PSMD13: variants seen among roughly 807,000 people sequenced by gnomAD.
PSMD13 encodes the protein proteasome 26S subunit, non-ATPase 13.
In PSMD13, 8 loss-of-function variants were observed where a neutral mutation model predicts 57.4. That is an observed-to-expected ratio of 0.14 (90% CI 0.08 to 0.25). The LOEUF is 0.25. Among genes scored for constraint, PSMD13 ranks in the 10% least tolerant of loss-of-function variants. The pLI, the probability that PSMD13 is intolerant of heterozygous loss-of-function variation, is 1.00. For synonymous variants in PSMD13, 193 were observed against 168.2 expected, an observed-to-expected ratio of 1.15 and a Z score of -1.14; for missense variants, 400 against 461.5, an observed-to-expected ratio of 0.87 and a Z score of 1.22.
chr11:250,904 A>G lies in PSMD13; in HGVS notation c.837+39A>G, dbSNP rs80181023. 2.1e-4 allele frequency: 333 copies of G among 1,600,106 alleles called. 4 individuals are homozygous for G. In the East Asian group the frequency reaches 7.3e-3, roughly 35 times the overall value. ...CAGGAGCCACTTTGTCTGTGGTTTC[A>G]GATTTTGGTCAGGTGGGGGCGCTGC... On this transcript the variant is annotated intron_variant, in intron 10 of 12. Coordinates refer to ENST00000532097, the MANE Select transcript of PSMD13 (RefSeq NM_002817.4).
At position 245,712 on chromosome 11, in the gene PSMD13, TTGTG is replaced by T. The variant is rs757481516; in HGVS notation, c.396+961_396+964del. ...TGTGTGTTCGTGTGTTTGTGTGTGT[TTGTG>T]TGTGTGTGTTTGTGTGTGTGTGTGT... On this transcript the variant is annotated intron_variant, in intron 6 of 12. Transcript: ENST00000532097. Among the ~76,000 whole-genome samples the T allele has an allele frequency of 6.9e-3, 260 of 37,688 alleles. 2 individuals are homozygous for T. The highest frequency in any genetic ancestry group is 0.039 in the East Asian group (43 of 1,116). The allele number at this position is 37,688 out of a possible 152,430, so 24.7% of individuals were successfully genotyped here.
Position 251,646 on chromosome 11 carries a change from G to GGTGTTA in PSMD13, c.918+22_918+27dup. ...AATGAGGTACGGTCCCTAGGCTCAGGGTGTTAGAGCAGCAAAGCTGCCACA... is the reference window on the plus strand; with the variant it reads ...AATGAGGTACGGTCCCTAGGCTCAGGGTGTTAGTGTTAGAGCAGCAAAGCTGCCACA... On this transcript the variant is annotated intron_variant, in intron 11 of 12. Transcript: ENST00000532097. This position sits in a 1 kb window ranked among gnomAD's most constrained non-coding sequence, Gnocchi z 4.6. 6.2e-7 allele frequency: 1 copy of GGTGTTA among 1,604,494 alleles called. No homozygotes were observed. The highest frequency in any genetic ancestry group is 8.5e-7 in the Non-Finnish European group (1 of 1,171,728).
At chr11:250,585 G>C (rs1225130086) in intron 9 of PSMD13, among the ~76,000 whole-genome samples, 1 of 152,200 alleles carries the variant, frequency 6.6e-6, no homozygotes, top group East Asian at 1.9e-4. Flanking sequence ...CCTTGACAAA[G>C]TGTCCCAGTT....
In PSMD13 at chr11:252,463, C is replaced by T. The variant is rs553415647; in HGVS notation, c.1036-42C>T. ...GTGCCGGCCGCTCGGCCTGTGTCTC[C>T]TGCGTGTCTTAACGTCCCTTGTGTC... On this transcript the variant is annotated intron_variant, in intron 12 of 12. Coordinates refer to ENST00000532097, the MANE Select transcript of PSMD13 (RefSeq NM_002817.4). This position sits in a 1 kb window ranked among gnomAD's most constrained non-coding sequence, Gnocchi z 4.1. The T allele has an allele frequency of 6.3e-6, 10 of 1,598,642 alleles. No individual in the cohort carries two copies. In the East Asian group the frequency reaches 2.0e-4, roughly 32 times the overall value.
At chr11:242,341 A>G (rs754530598) in intron 2 of PSMD13, among the ~76,000 whole-genome samples, 11 of 150,776 alleles carry the variant, frequency 7.3e-5, no homozygotes, top group Non-Finnish European at 1.5e-4. Context: ...AGCTTTAATT[A>G]AAATCTGAAG....
At chr11:245,139 C>T (rs990627785) in intron 6 of PSMD13, among the ~76,000 whole-genome samples, 38 of 152,228 alleles carry the variant, frequency 2.5e-4, no homozygotes, top group African/African-American at 8.7e-4. Context: ...GACAGGGTTT[C>T]GCCATGTTGG....
In PSMD13 at chr11:237,091, C is replaced by T. The variant is rs748846714; in HGVS notation, c.42C>T (p.Ser14=). ...VPGFLQQSQN[S]GPGQPAVWHR... ...GCTTCCTACAGCAGAGCCAGAACTCCGGGCCCGGGCAGCCCGCTGTGTGGC... is the reference window on the plus strand; with the variant it reads ...GCTTCCTACAGCAGAGCCAGAACTCTGGGCCCGGGCAGCCCGCTGTGTGGC... Residue 14 remains serine, a synonymous_variant, in exon 1 of 13, where the codon TCC becomes TCT. Transcript: ENST00000532097. 2.5e-6 allele frequency: 4 copies of T among 1,613,820 alleles called. No homozygotes were observed. Among genetic ancestry groups the T allele is most frequent in the Admixed American group, 1.7e-5 (1 of 60,028 alleles).
intron 5 of PSMD13, 49 bp downstream of exon 5, chr11:244,518 A>C (rs750506633): frequency 6.4e-7 from 1 of 1,568,014 alleles, no homozygotes. Context: ...TAGAGTATGT[A>C]TGACTTAACA....
chr11:243,817 T>C (rs17156013), intron 2 of PSMD13, among the ~76,000 whole-genome samples: 2,390 of 152,312 alleles, frequency 0.016, 33 homozygotes, highest in Middle Eastern at 0.044. Flanking sequence ...AACCTAATAT[T>C]CCTTAGTAAT....
At chr11:245,759 A>G (rs1859635547) in intron 6 of PSMD13, among the ~76,000 whole-genome samples, 1 of 83,094 alleles carries the variant, frequency 1.2e-5, no homozygotes. Flanking sequence ...TCACAATGTT[A>G]AAGAAAATAT....
At chr11:241,374 C>A (rs192897964) in intron 2 of PSMD13, among the ~76,000 whole-genome samples, 1 of 151,276 alleles carries the variant, frequency 6.6e-6, no homozygotes, top group Non-Finnish European at 1.5e-5. Context: ...CCTGTCCTCA[C>A]GTGATCCACC....
chr11:237,538 G>A (rs971897453), intron 1 of PSMD13, among the ~76,000 whole-genome samples: 2 of 152,166 alleles, frequency 1.3e-5, no homozygotes, highest in Non-Finnish European at 1.5e-5. Flanking sequence ...ACCCACTTTG[G>A]GAAACATGTT....
rs60869932 is a variant in PSMD13 at position 240,101 on chromosome 11, C to CTTTTTTTTTTTTTTTTTTTT, written c.174+1033_174+1052dup. 4.3e-4 allele frequency among the ~76,000 whole-genome samples: 22 copies of CTTTTTTTTTTTTTTTTTTTT among 51,426 alleles called. 5 individuals carry two copies. The highest frequency in any genetic ancestry group is 3.0e-3 in the East Asian group (4 of 1,326). The allele number at this position is 51,426 out of a possible 152,430, so 33.7% of individuals were successfully genotyped here. A position where few individuals can be genotyped will look rare whatever the true frequency, so the allele number is the denominator to read the frequency against. ...GTGGGAAAATGATAAATGAGACCTG[C>CTTTTTTTTTTTTTTTTTTTT]TTTTTTTTTTTTTTTTTTTTTTTTT... On this transcript the variant is annotated intron_variant, in intron 2 of 12. Transcript: ENST00000532097.
At chr11:238,563 C>G (rs1057464687) in intron 1 of PSMD13, among the ~76,000 whole-genome samples, 34 of 152,050 alleles carry the variant, frequency 2.2e-4, no homozygotes, top group Admixed American at 2.0e-3. Context: ...CCCTGCTACT[C>G]GGGAGGCTGA....
Position 252,879 on chromosome 11 carries a change from A to C in PSMD13, c.*279A>C. The C allele has an allele frequency of 2.6e-6, 1 of 384,578 alleles. No homozygotes were observed. The highest frequency in any genetic ancestry group is 4.9e-6 in the Non-Finnish European group (1 of 204,092). 23.8% of individuals were successfully genotyped at this position (384,578 alleles called of 1,614,324 possible). Reference sequence around the variant, plus strand: ...ACGTGCCAGGCAGGAGGCCCCCTGAAGTCTGTGTACTCCGAGGTGGATCTC... The same window carrying C: ...ACGTGCCAGGCAGGAGGCCCCCTGACGTCTGTGTACTCCGAGGTGGATCTC... On this transcript the variant is annotated 3_prime_UTR_variant, in exon 13 of 13. Transcript: ENST00000532097. The surrounding 1 kb of genome is among the most constrained non-coding windows in gnomAD (Gnocchi z 4.1).
chr11:252,663 A>C lies in PSMD13; in HGVS notation c.*63A>C. The C allele has an allele frequency of 6.8e-7, 1 of 1,479,302 alleles. No individual in the cohort carries two copies. The highest frequency in any genetic ancestry group is 9.4e-7 in the Non-Finnish European group (1 of 1,059,878). 91.6% of individuals were successfully genotyped at this position (1,479,302 alleles called of 1,614,324 possible). ...CTGAGAGAGGCGTTTGCAGCCAATG[A>C]AGCTGGCTGCTCAGACGGTCGACAT... is the stretch of plus-strand genomic sequence containing the variant. On this transcript the variant is annotated 3_prime_UTR_variant, in exon 13 of 13. Coordinates refer to ENST00000532097, the MANE Select transcript of PSMD13 (RefSeq NM_002817.4). The surrounding 1 kb of genome is among the most constrained non-coding windows in gnomAD (Gnocchi z 4.1).
chr11:241,322 A>G (rs1311344421), intron 2 of PSMD13, among the ~76,000 whole-genome samples: 1 of 151,888 alleles, frequency 6.6e-6, no homozygotes, highest in Non-Finnish European at 1.5e-5. Flanking sequence ...TAGTTTTAGT[A>G]GAGATGGCAT....
At position 249,052 on chromosome 11, in the gene PSMD13, C is replaced by A. The variant is rs762437292; in HGVS notation, c.769C>A (p.Gln257Lys). ...RFQTLKTAWG[Q>K]QPDLAANEAQ... Reference sequence around the variant, plus strand: ...CCAGACTCTGAAGACTGCCTGGGGCCAGCAGGTAGGACTCCCACGATGCCC... The same window carrying A: ...CCAGACTCTGAAGACTGCCTGGGGCAAGCAGGTAGGACTCCCACGATGCCC... Residue 257 changes from glutamine to lysine, a missense_variant, in exon 9 of 13, where the codon CAG becomes AAG. Physicochemically the swap from Gln to Lys is moderately conservative, Grantham distance 53. Coordinates refer to ENST00000532097, the MANE Select transcript of PSMD13 (RefSeq NM_002817.4). 2 of 1,612,220 alleles carry A rather than the reference C, an allele frequency of 1.2e-6. No homozygotes were observed. The highest frequency in any genetic ancestry group is 2.7e-5 in the African/African-American group (2 of 74,886).
At chr11:245,537 TG>T (rs1316889109) in intron 6 of PSMD13, among the ~76,000 whole-genome samples, 3 of 152,196 alleles carry the variant, frequency 2.0e-5, no homozygotes, top group Admixed American at 1.3e-4. Context: ...TCTATTTTTA[TG>T]TCTTTCTTAT....
Sources: allele counts gnomAD v4.1 joint callset (sites outside exome capture counted in the v4.1 genomes callset), GRCh38; gene constraint gnomAD v4.1.1; non-coding constraint Gnocchi (gnomAD v3.1); transcripts MANE v1.5; gene names NCBI Gene and HGNC (gene_info 2026-07-23, HGNC 2026-07-21).